Variants in CEP112 observed in about 807,000 individuals in gnomAD.
CEP112 encodes the protein centrosomal protein of 112 kDa.
A neutral mutation model predicts 153.0 loss-of-function variants in CEP112; 127 were observed. The ratio of observed to expected loss-of-function variants is 0.83; its 90% CI spans 0.72 to 0.96. The LOEUF (loss-of-function observed/expected upper bound fraction) is 0.96. CEP112 is among the 40% of genes least tolerant of loss of function. The pLI is 0.00. For synonymous variants in CEP112, 358 were observed against 374.4 expected (o/e 0.96, Z 0.51); for missense variants, 1,089 against 1,101.2 (o/e 0.99, Z 0.16).
At chr17:66,187,405 T>C (rs927001767) in intron 1 of CEP112, among the ~76,000 whole-genome samples, 2 of 152,184 alleles carry the variant, frequency 1.3e-5, no homozygotes, top group African/African-American at 4.8e-5. Context: ...CAAAAATCTT[T>C]CAAAGTTCAC....
chr17:65,913,149 T>C (rs547336513), intron 19 of CEP112, among the ~76,000 whole-genome samples: 90 of 152,320 alleles, frequency 5.9e-4, no homozygotes, highest in African/African-American at 1.7e-3. Flanking sequence ...ATCTGCAAAA[T>C]TGCACACTTG....
intron 21 of CEP112, among the ~76,000 whole-genome samples, chr17:65,850,895 C>T (rs914976079): frequency 3.3e-5 from 5 of 152,136 alleles, no homozygotes; most frequent in African/African-American, 4.8e-5. Context: ...TTTCTGGGTT[C>T]ATAGCTATGC....
At chr17:66,133,120 AC>A (rs1252079716) in intron 4 of CEP112, among the ~76,000 whole-genome samples, 3 of 152,114 alleles carry the variant, frequency 2.0e-5, no homozygotes, top group Non-Finnish European at 2.9e-5. Flanking sequence ...ACAAGTAATA[AC>A]CTTTTTATTT....
chr17:66,158,180 T>C (rs1190619665), intron 4 of CEP112, among the ~76,000 whole-genome samples: 5 of 152,096 alleles, frequency 3.3e-5, no homozygotes, highest in African/African-American at 1.2e-4. Flanking sequence ...GAAATCATAA[T>C]AAACAGTCTC....
chr17:65,686,894 T>C (rs1222927724), intron 24 of CEP112, among the ~76,000 whole-genome samples: 2 of 152,026 alleles, frequency 1.3e-5, no homozygotes, highest in African/African-American at 2.4e-5. Flanking sequence ...ATATGTAACT[T>C]GAAAATTGTC....
At chr17:65,993,257 C>T (rs1344586604) in intron 17 of CEP112, among the ~76,000 whole-genome samples, 1 of 152,178 alleles carries the variant, frequency 6.6e-6, no homozygotes, top group Non-Finnish European at 1.5e-5. Flanking sequence ...CATGTCCTTG[C>T]AAATGACATG....
At chr17:65,718,357 G>A (rs1056095809) in intron 23 of CEP112, among the ~76,000 whole-genome samples, 5 of 150,880 alleles carry the variant, frequency 3.3e-5, no homozygotes, top group African/African-American at 1.2e-4. Flanking sequence ...GCAGTGAGCC[G>A]AGGTTGCACC....
chr17:66,055,225 T>C (rs1254134607), intron 11 of CEP112, among the ~76,000 whole-genome samples: 1 of 152,146 alleles, frequency 6.6e-6, no homozygotes, highest in Non-Finnish European at 1.5e-5. Context: ...ATTGTACTGG[T>C]AAAGGTCTCA....
At chr17:66,061,721 C>T (rs955106722) in intron 11 of CEP112, among the ~76,000 whole-genome samples, 4 of 151,860 alleles carry the variant, frequency 2.6e-5, no homozygotes, top group African/African-American at 7.3e-5. Flanking sequence ...TAATCACACT[C>T]GTGGAATTTT....
At chr17:65,857,113 T>C (rs1041971517) in intron 20 of CEP112, among the ~76,000 whole-genome samples, 2 of 152,218 alleles carry the variant, frequency 1.3e-5, no homozygotes, top group Non-Finnish European at 2.9e-5. Context: ...CAGGAGTGTC[T>C]GAGGGAGAGA....
chr17:65,764,196 A>T (rs2052793383), intron 21 of CEP112, among the ~76,000 whole-genome samples: 1 of 152,052 alleles, frequency 6.6e-6, no homozygotes, highest in Non-Finnish European at 1.5e-5. Context: ...AAAAATCCCC[A>T]ATAATTTAGG....
chr17:65,842,573 A>G (rs1036149759), intron 21 of CEP112, among the ~76,000 whole-genome samples: 1 of 152,136 alleles, frequency 6.6e-6, no homozygotes, highest in Non-Finnish European at 1.5e-5. Context: ...AGGATGATAG[A>G]CCTTTGAACA....
chr17:66,148,512 G>A (rs1239302279), intron 4 of CEP112, among the ~76,000 whole-genome samples: 1 of 152,044 alleles, frequency 6.6e-6, no homozygotes, highest in African/African-American at 2.4e-5. Flanking sequence ...TTCATTCATT[G>A]GTGTCTTTTT....
chr17:66,089,666 G>A (rs112270264), intron 8 of CEP112, among the ~76,000 whole-genome samples: 18 of 152,138 alleles, frequency 1.2e-4, no homozygotes, highest in Non-Finnish European at 1.6e-4. Flanking sequence ...AAGGAATGAC[G>A]AAAGTTTACA....
At chr17:65,803,477 A>C (rs2055401432) in intron 21 of CEP112, among the ~76,000 whole-genome samples, 1 of 152,256 alleles carries the variant, frequency 6.6e-6, no homozygotes, top group Admixed American at 6.5e-5. Flanking sequence ...GCTTAAAACA[A>C]AAGTATCTCA....
intron 11 of CEP112, among the ~76,000 whole-genome samples, chr17:66,059,666 G>T (rs2066844143): frequency 6.6e-6 from 1 of 152,300 alleles, no homozygotes; most frequent in South Asian, 2.1e-4. Flanking sequence ...TGGCAAGGTT[G>T]CAGAGAAAAA....
In CEP112 at chr17:66,059,349, C is replaced by T. The variant is rs182757416; in HGVS notation, c.1074+3614G>A. The stretch of plus-strand genomic sequence containing the variant: ...ACTTTTGCACAGCAAAAGAAACTAT[C>T]AAGTAAACAGATAACTCACAGAATG... On this transcript the variant is annotated intron_variant, in intron 11 of 26. Coordinates refer to ENST00000535342, the MANE Select transcript of CEP112 (RefSeq NM_001199165.4). Among the ~76,000 whole-genome samples the T allele has an allele frequency of 6.8e-4, 103 of 152,154 alleles. 1 individual carries two copies. The East Asian group carries it at 0.012, about 17-fold the overall frequency.
chr17:65,992,774 T>C (rs2063640417), intron 17 of CEP112, among the ~76,000 whole-genome samples: 1 of 152,218 alleles, frequency 6.6e-6, no homozygotes, highest in Non-Finnish European at 1.5e-5. Context: ...ACTTTGGCAA[T>C]CTTAAAACTA....
chr17:65,868,775 G>T (rs2058560804), intron 20 of CEP112, among the ~76,000 whole-genome samples: 2 of 152,084 alleles, frequency 1.3e-5, no homozygotes, highest in South Asian at 4.1e-4. Context: ...CATCTAAACA[G>T]TGAAAATTAA....
Sources: gnomAD v4.1 joint callset for allele counts (sites outside exome capture counted in the v4.1 genomes callset) on GRCh38, gnomAD v4.1.1 for gene constraint, MANE v1.5 for transcripts, NCBI Gene and HGNC (gene_info 2026-07-23, HGNC 2026-07-21) for gene names.